Variants in L3MBTL4 observed in about 807,000 individuals in gnomAD.
L3MBTL4 encodes lethal(3)malignant brain tumor-like protein 4.
L3MBTL4 carries 70 observed loss-of-function variants against 84.5 expected under a neutral mutation model. The observed-to-expected ratio is 0.83, with a 90% CI of 0.68 to 1.01. L3MBTL4 has a LOEUF of 1.01. Ranked by LOEUF, L3MBTL4 falls within the 50% of genes least tolerant of loss-of-function variation. L3MBTL4 has a pLI of 0.00. For missense variants in L3MBTL4, 715 were observed against 754.8 expected (o/e 0.95, Z 0.62); for synonymous variants, 274 against 259.8 (o/e 1.05, Z -0.52).
intron 13 of L3MBTL4, among the ~76,000 whole-genome samples, chr18:6,153,585 A>T (rs1196884926): frequency 6.6e-6 from 1 of 151,862 alleles, no homozygotes; most frequent in African/African-American, 2.4e-5. Context: ...TAAGTCTAAG[A>T]GTTTCTTTGT....
chr18:6,030,554 T>C, intron 16 of L3MBTL4: 1 of 828,324 alleles, frequency 1.2e-6, no homozygotes, highest in Non-Finnish European at 1.5e-6. Flanking sequence ...GCTGGTGATG[T>C]ACAGTGGCAC....
chr18:6,323,871 A>G (rs2051564117), intron 1 of L3MBTL4, among the ~76,000 whole-genome samples: 1 of 152,222 alleles, frequency 6.6e-6, no homozygotes, highest in African/African-American at 2.4e-5. Context: ...AATAGCTAAG[A>G]CAATAGGGAA....
chr18:6,209,638 T>C (rs182718020), intron 12 of L3MBTL4, among the ~76,000 whole-genome samples: 22 of 152,216 alleles, frequency 1.4e-4, no homozygotes, highest in Admixed American at 3.3e-4. Flanking sequence ...GCAATTCCAC[T>C]CGTAGTTATA....
intron 1 of L3MBTL4, among the ~76,000 whole-genome samples, chr18:6,402,700 C>T (rs1006059800): frequency 1.3e-5 from 2 of 152,058 alleles, no homozygotes; most frequent in African/African-American, 4.8e-5. Context: ...CTTAGTCATT[C>T]ACCGAAAAAT....
At chr18:6,076,567 C>T (rs374360631) in intron 16 of L3MBTL4, among the ~76,000 whole-genome samples, 1 of 151,962 alleles carries the variant, frequency 6.6e-6, no homozygotes, top group African/African-American at 2.4e-5. Flanking sequence ...ACAGAAATAA[C>T]CCGGAAGATG....
intron 15 of L3MBTL4, among the ~76,000 whole-genome samples, chr18:6,091,547 T>C (rs965952280): frequency 9.8e-5 from 15 of 152,342 alleles, no homozygotes; most frequent in African/African-American, 3.6e-4. Context: ...TCTCGACTCC[T>C]TCTATCTGTA....
At chr18:6,139,685 C>T (rs1293092452) in intron 13 of L3MBTL4, among the ~76,000 whole-genome samples, 1 of 152,082 alleles carries the variant, frequency 6.6e-6, no homozygotes, top group Non-Finnish European at 1.5e-5. Flanking sequence ...CTTCCTCCTC[C>T]TCATCTCAAT....
chr18:6,030,501 CTTTTT>C (rs112869054), intron 16 of L3MBTL4: 7 of 849,412 alleles, frequency 8.2e-6, no homozygotes, highest in Non-Finnish European at 7.0e-6. Context: ...TGAAGAGACT[CTTTTT>C]TTTTTTTTTG....
At chr18:6,221,757 T>G (rs1407398668) in intron 10 of L3MBTL4, among the ~76,000 whole-genome samples, 1 of 152,192 alleles carries the variant, frequency 6.6e-6, no homozygotes, top group Non-Finnish European at 1.5e-5. Flanking sequence ...GAACCTGAAT[T>G]ATATAAGAAA....
intron 13 of L3MBTL4, among the ~76,000 whole-genome samples, chr18:6,157,897 T>C (rs2043166642): frequency 6.6e-6 from 1 of 152,072 alleles, no homozygotes; most frequent in Non-Finnish European, 1.5e-5. Context: ...AGCTAAGAAA[T>C]CTCATTTTTC....
chr18:6,003,505 GA>G (rs1485047649), intron 16 of L3MBTL4, among the ~76,000 whole-genome samples: 5 of 151,922 alleles, frequency 3.3e-5, no homozygotes, highest in African/African-American at 1.2e-4. Flanking sequence ...CAACCAAATA[GA>G]AGATAAGTAA....
At chr18:6,165,534 C>CT (rs972859494) in intron 13 of L3MBTL4, among the ~76,000 whole-genome samples, 55 of 148,682 alleles carry the variant, frequency 3.7e-4, no homozygotes, top group African/African-American at 1.3e-3. Flanking sequence ...ATTCAACATT[C>CT]TTAAAAAAAG....
At chr18:6,013,561 C>T (rs758451417) in intron 16 of L3MBTL4, among the ~76,000 whole-genome samples, 3 of 152,234 alleles carry the variant, frequency 2.0e-5, no homozygotes, top group Non-Finnish European at 4.4e-5. Flanking sequence ...CAGCCCTAGC[C>T]CCACCCTTGC....
At chr18:6,213,040 T>C (rs1435728192) in intron 12 of L3MBTL4, 109 bp downstream of exon 12, 9 of 624,056 alleles carry the variant, frequency 1.4e-5, no homozygotes, top group Non-Finnish European at 2.2e-5. Flanking sequence ...AAAATTATTG[T>C]GCAGATGAAT....
chr18:6,002,880 T>C (rs1241081612), intron 16 of L3MBTL4, among the ~76,000 whole-genome samples: 1 of 151,560 alleles, frequency 6.6e-6, no homozygotes, highest in Non-Finnish European at 1.5e-5. Flanking sequence ...CTAAACTCTC[T>C]AATCAAAAAA....
At position 5,960,061 on chromosome 18, in the gene L3MBTL4, C is replaced by CAT. The variant is rs1555617167; in HGVS notation, c.1677+31_1677+32dup. 2.0e-3 allele frequency: 751 copies of CAT among 372,940 alleles called. 3 individuals are homozygous for CAT. Among genetic ancestry groups the CAT allele is most frequent in the South Asian group, 4.2e-3 (57 of 13,642 alleles). 23.1% of individuals were successfully genotyped at this position (372,940 alleles called of 1,614,324 possible). A position where few individuals can be genotyped will look rare whatever the true frequency, so the allele number is the denominator to read the frequency against. Reference sequence around the variant, plus strand: ...ATACACACACATATATATATATATACATATATATATATATAATTTTTGCAT... The same window carrying CAT: ...ATACACACACATATATATATATATACATATATATATATATATAATTTTTGCAT... On this transcript the variant is annotated intron_variant, in intron 18 of 18. Transcript: ENST00000317931.
intron 10 of L3MBTL4, among the ~76,000 whole-genome samples, chr18:6,235,162 C>T (rs1386864666): frequency 2.6e-5 from 4 of 152,070 alleles, no homozygotes; most frequent in Middle Eastern, 6.8e-3. Flanking sequence ...ACACCGGGGC[C>T]TGTTGTGGGG....
chr18:6,205,356 A>G (rs2045828016), intron 12 of L3MBTL4, among the ~76,000 whole-genome samples: 1 of 152,178 alleles, frequency 6.6e-6, no homozygotes, highest in Non-Finnish European at 1.5e-5. Flanking sequence ...TTCATTTTAG[A>G]CCAGTGACAC....
chr18:6,026,829 T>G (rs1257166909), intron 16 of L3MBTL4, among the ~76,000 whole-genome samples: 1 of 152,098 alleles, frequency 6.6e-6, no homozygotes, highest in Non-Finnish European at 1.5e-5. Context: ...AGTAGAGAGG[T>G]TAAATGGCTT....
Sources: gnomAD v4.1 joint callset for allele counts (sites outside exome capture counted in the v4.1 genomes callset) on GRCh38, gnomAD v4.1.1 for gene constraint, MANE v1.5 for transcripts, NCBI Gene and HGNC (gene_info 2026-07-23, HGNC 2026-07-21) for gene names.